The following EXOSC6 variants were observed in gnomAD, a reference collection of about 807,000 sequenced individuals.
EXOSC6 encodes the protein exosome component 6.
EXOSC6 carries 21 observed loss-of-function variants against 16.7 expected under a neutral mutation model. That is an observed-to-expected ratio of 1.26 (90% CI 0.89 to 1.82). EXOSC6 has a LOEUF of 1.82. EXOSC6 is among the 40% of genes most tolerant of loss of function. EXOSC6 has a pLI of 0.00. For synonymous variants in EXOSC6, 297 were observed against 217.1 expected, an observed-to-expected ratio of 1.37 and a Z score of -3.24; for missense variants, 538 against 415.7, an observed-to-expected ratio of 1.29 and a Z score of -2.56.
At position 70,251,778 on chromosome 16, in the gene EXOSC6, C is replaced by A. The variant is rs765097066; in HGVS notation, c.123G>T (p.Ala41=). Residue 41 remains alanine (A), a synonymous_variant, in exon 1 of 1, where the codon GCG becomes GCT. Transcript: ENST00000435634. The part of the protein sequence containing the change: ...RDPTRLRPVY[A]RAGLLSQAKG... ...TGGCCTGGCTCAGCAGCCCGGCGCG[C>A]GCGTACACGGGCCGTAGCCGCGTTG... The A allele has an allele frequency of 2.6e-5, 38 of 1,457,152 alleles. No homozygotes were observed. The South Asian group carries it at 4.9e-4, about 19-fold the overall frequency. The allele number at this position is 1,457,152 out of a possible 1,614,324, so 90.3% of individuals were successfully genotyped here.
chr16:70,249,568 C>T lies in EXOSC6; in HGVS notation c.*1514G>A, dbSNP rs1597429497. The T allele has an allele frequency of 6.6e-6, 1 of 152,156 alleles. No individual in the cohort carries two copies. The highest frequency in any genetic ancestry group is 1.5e-5 in the Non-Finnish European group (1 of 68,034). The allele number at this position is 152,156 out of a possible 1,614,324, so 9.4% of individuals were successfully genotyped here. On this transcript the variant is annotated 3_prime_UTR_variant, in exon 1 of 1. Transcript: ENST00000435634. ...AGACGTCGTGATATTTAGTTCTTGT[C>T]TCCCTCTACAAATGTGAAGCACTCT... is the stretch of plus-strand genomic sequence containing the variant.
In EXOSC6 at chr16:70,249,207, T is replaced by C. The variant is rs1310615378; in HGVS notation, c.*1875A>G. ...TGAGGTCAGGAGTTCAAGACCAGCA[T>C]GGCCAACACAATGAAAATCCATCTC... On this transcript the variant is annotated 3_prime_UTR_variant, in exon 1 of 1. Coordinates refer to ENST00000435634, the MANE Select transcript of EXOSC6 (RefSeq NM_058219.3). 2.6e-5 allele frequency: 4 copies of C among 151,908 alleles called. No homozygotes were observed. The highest frequency in any genetic ancestry group is 1.3e-4 in the Admixed American group (2 of 15,242). 9.4% of individuals were successfully genotyped at this position (151,908 alleles called of 1,614,324 possible). A position where few individuals can be genotyped will look rare whatever the true frequency, so the allele number is the denominator to read the frequency against.
Position 70,251,718 on chromosome 16 carries a change from C to T in EXOSC6, c.183G>A (p.Lys61=). The T allele has an allele frequency of 7.2e-7, 1 of 1,390,570 alleles. No individual in the cohort carries two copies. The highest frequency in any genetic ancestry group is 3.1e-5 in the East Asian group (1 of 32,630). The allele number at this position is 1,390,570 out of a possible 1,614,324, so 86.1% of individuals were successfully genotyped here. A position where few individuals can be genotyped will look rare whatever the true frequency, so the allele number is the denominator to read the frequency against. The change falls in exon 1 of 1, where the codon AAG becomes AAA. Residue 61 remains lysine, a synonymous_variant. Transcript: ENST00000435634. ...GCGGGCCCGACACGGCACACAGCAC[C>T]TTGGTGCCTCCCGCCTCCAGGTAGG... ...GSAYLEAGGT[K]VLCAVSGPRQ...
rs1959826911 is a variant in EXOSC6, at chr16:70,251,691, T to C, written c.210A>G (p.Arg70=). ...CGCCGCGCTCGCCGCCCTCGGCCTGTCGCGGGCCCGACACGGCACACAGCA... is the reference window on the plus strand; with the variant it reads ...CGCCGCGCTCGCCGCCCTCGGCCTGCCGCGGGCCCGACACGGCACACAGCA... The part of the protein sequence containing the change: ...TKVLCAVSGP[R]QAEGGERGGG... Residue 70 remains arginine (R), a synonymous_variant, in exon 1 of 1, where the codon CGA becomes CGG. Coordinates refer to ENST00000435634, the MANE Select transcript of EXOSC6 (RefSeq NM_058219.3). 1.6e-6 allele frequency: 2 copies of C among 1,289,926 alleles called. No individual in the cohort carries two copies. The highest frequency in any genetic ancestry group is 4.1e-5 in the Admixed American group (1 of 24,176). The allele number at this position is 1,289,926 out of a possible 1,614,324, so 79.9% of individuals were successfully genotyped here. A position where few individuals can be genotyped will look rare whatever the true frequency, so the allele number is the denominator to read the frequency against.
chr16:70,251,166 G>A lies in EXOSC6; in HGVS notation c.735C>T (p.Leu245=). The A allele has an allele frequency of 9.1e-6, 14 of 1,531,512 alleles. No individual in the cohort carries two copies. The highest frequency in any genetic ancestry group is 1.1e-5 in the Non-Finnish European group (13 of 1,148,988). 94.9% of individuals were successfully genotyped at this position (1,531,512 alleles called of 1,614,324 possible). The part of the protein sequence containing the change: ...ESWAEAVRLG[L]EGCQRLYPVL... ...CGGGGTAGAGGCGCTGGCAGCCCTC[G>A]AGGCCCAGGCGTACGGCCTCCGCCC... The change falls in exon 1 of 1, where the codon CTC becomes CTT. Residue 245 remains leucine (L), a synonymous_variant. Transcript: ENST00000435634.
In EXOSC6 at chr16:70,246,822, G is replaced by A. The variant is rs1959706227; in HGVS notation, c.*4260C>T. 8.8e-6 allele frequency: 5 copies of A among 569,822 alleles called. No individual in the cohort carries two copies. The highest frequency in any genetic ancestry group is 1.5e-5 in the Non-Finnish European group (5 of 323,684). The allele number at this position is 569,822 out of a possible 1,614,324, so 35.3% of individuals were successfully genotyped here. ...AGTTTATTTTCTTCAAATATTTTAA[G>A]GTACGAACGTCAGAAATAAAAATGC... On this transcript the variant is annotated 3_prime_UTR_variant, in exon 1 of 1. Transcript: ENST00000435634.
chr16:70,249,128 G>C lies in EXOSC6; in HGVS notation c.*1954C>G, dbSNP rs559236293. The C allele has an allele frequency of 6.6e-6, 1 of 151,850 alleles. No homozygotes were observed. Among genetic ancestry groups the C allele is most frequent in the Admixed American group, 6.6e-5 (1 of 15,224 alleles). 9.4% of individuals were successfully genotyped at this position (151,850 alleles called of 1,614,324 possible). A position where few individuals can be genotyped will look rare whatever the true frequency, so the allele number is the denominator to read the frequency against. On this transcript the variant is annotated 3_prime_UTR_variant, in exon 1 of 1. Coordinates refer to ENST00000435634, the MANE Select transcript of EXOSC6 (RefSeq NM_058219.3). ...TCAATGATCTTTTAGGCCAGGTGTG[G>C]TGGCTCATGATAGTAATCACAGTAC... is the stretch of plus-strand genomic sequence containing the variant.
In EXOSC6 at chr16:70,251,156, G is replaced by A; in HGVS notation, c.745C>T (p.Gln249Ter). 2 of 1,532,292 alleles carry A rather than the reference G, an allele frequency of 1.3e-6. No homozygotes were observed. Among genetic ancestry groups the A allele is most frequent in the South Asian group, 1.2e-5 (1 of 84,096 alleles). 94.9% of individuals were successfully genotyped at this position (1,532,292 alleles called of 1,614,324 possible). Residue 249 changes from glutamine to a stop codon, truncating the protein, a stop_gained, in exon 1 of 1, where the codon CAG becomes TAG. Transcript: ENST00000435634. LOFTEE classifies it high-confidence loss of function. Reference sequence around the variant, plus strand: ...TGCTGCAGCACGGGGTAGAGGCGCTGGCAGCCCTCGAGGCCCAGGCGTACG... The same window carrying A: ...TGCTGCAGCACGGGGTAGAGGCGCTAGCAGCCCTCGAGGCCCAGGCGTACG... The part of the protein sequence containing the change: ...EAVRLGLEGC[Q>*]RLYPVLQQSL...
rs556106293 is a variant in EXOSC6 at position 70,247,664 on chromosome 16, A to G, written c.*3418T>C. The G allele has an allele frequency of 2.6e-5, 4 of 152,332 alleles. No individual in the cohort carries two copies. The South Asian group carries it at 6.2e-4, about 24-fold the overall frequency. 9.4% of individuals were successfully genotyped at this position (152,332 alleles called of 1,614,324 possible). A position where few individuals can be genotyped will look rare whatever the true frequency, so the allele number is the denominator to read the frequency against. ...TAATAATTGTCATTCCATTGAAAGA[A>G]TATTTATTTTGCAGCTGTTAAAAGA... On this transcript the variant is annotated 3_prime_UTR_variant, in exon 1 of 1. Transcript: ENST00000435634.
chr16:70,251,659 G>A lies in EXOSC6; in HGVS notation c.242C>T (p.Pro81Leu), dbSNP rs866196318. Residue 81 changes from proline to leucine, a missense_variant, in exon 1 of 1, where the codon CCG becomes CTG. By Grantham distance (98) the Pro-to-Leu change is moderately conservative. Coordinates refer to ENST00000435634, the MANE Select transcript of EXOSC6 (RefSeq NM_058219.3). ...QAEGGERGGG[P>L]AGAGGEAPAA... is the part of the protein sequence containing the mutation. ...CGGGGCCTCGCCGCCTGCTCCGGCCGGGCCGCCGCCGCGCTCGCCGCCCTC... is the reference window on the plus strand; with the variant it reads ...CGGGGCCTCGCCGCCTGCTCCGGCCAGGCCGCCGCCGCGCTCGCCGCCCTC... 8.9e-5 allele frequency: 108 copies of A among 1,207,300 alleles called. No individual in the cohort carries two copies. In the African/African-American group the frequency reaches 1.5e-3, roughly 16 times the overall value. 74.8% of individuals were successfully genotyped at this position (1,207,300 alleles called of 1,614,324 possible).
Position 70,248,771 on chromosome 16 carries a change from CTTTTTTTTTTTTTT to C in EXOSC6, c.*2297_*2310del, listed in dbSNP as rs35401075. 9 of 98,134 alleles carry C rather than the reference CTTTTTTTTTTTTTT, an allele frequency of 9.2e-5. No individual in the cohort carries two copies. Among genetic ancestry groups the C allele is most frequent in the Non-Finnish European group, 1.5e-4 (7 of 47,484 alleles). 6.1% of individuals were successfully genotyped at this position (98,134 alleles called of 1,614,324 possible). A position where few individuals can be genotyped will look rare whatever the true frequency, so the allele number is the denominator to read the frequency against. On this transcript the variant is annotated 3_prime_UTR_variant, in exon 1 of 1. Transcript: ENST00000435634. ...CACCATGCCTGACTTATTTTTTTTC[CTTTTTTTTTTTTTT>C]TTTTTTTTTTGATAGAAACAGGGTT...
rs894705468 is a variant in EXOSC6 at position 70,249,848 on chromosome 16, G to A, written c.*1234C>T. 6.6e-6 allele frequency: 1 copy of A among 152,138 alleles called. No individual in the cohort carries two copies. Among genetic ancestry groups the A allele is most frequent in the Non-Finnish European group, 1.5e-5 (1 of 68,082 alleles). 9.4% of individuals were successfully genotyped at this position (152,138 alleles called of 1,614,324 possible). On this transcript the variant is annotated 3_prime_UTR_variant, in exon 1 of 1. Coordinates refer to ENST00000435634, the MANE Select transcript of EXOSC6 (RefSeq NM_058219.3). The stretch of plus-strand genomic sequence containing the variant: ...TGCCTGTAGTCCCAGCTATTCCAGA[G>A]GCTGAGGCAGGAGAATCACTTGAAC...
rs1959745535 is a variant in EXOSC6 at position 70,248,912 on chromosome 16, A to G, written c.*2170T>C. ...GTTACAGGAGTGAGCCACCATGCCC[A>G]GTTAAAAATACACTTTTTATTTAAA... On this transcript the variant is annotated 3_prime_UTR_variant, in exon 1 of 1. Transcript: ENST00000435634. The G allele has an allele frequency of 6.7e-6, 1 of 149,120 alleles. No homozygotes were observed. Among genetic ancestry groups the G allele is most frequent in the Admixed American group, 6.7e-5 (1 of 14,870 alleles). 9.2% of individuals were successfully genotyped at this position (149,120 alleles called of 1,614,324 possible). A position where few individuals can be genotyped will look rare whatever the true frequency, so the allele number is the denominator to read the frequency against.
At position 70,251,874 on chromosome 16, in the gene EXOSC6, G is replaced by T. The variant is rs1338228640; in HGVS notation, c.27C>A (p.Arg9=). Residue 9 remains arginine, a synonymous_variant, in exon 1 of 1, where the codon CGC becomes CGA. Transcript: ENST00000435634. ...GCGGCGGCTGCGATTCTTCAGGGCCGCGGATGCGGCGGTGATCCCCAGGCA... is the reference window on the plus strand; with the variant it reads ...GCGGCGGCTGCGATTCTTCAGGGCCTCGGATGCGGCGGTGATCCCCAGGCA... MPGDHRRI[R]GPEESQPPQL... is the part of the protein sequence containing the mutation. 2 of 1,546,906 alleles carry T rather than the reference G, an allele frequency of 1.3e-6. No individual in the cohort carries two copies. Among genetic ancestry groups the T allele is most frequent in the East Asian group, 2.6e-5 (1 of 38,482 alleles).
At position 70,251,921 on chromosome 16, in the gene EXOSC6, C is replaced by A; in HGVS notation, c.-21G>T. On this transcript the variant is annotated 5_prime_UTR_variant, in exon 1 of 1. Transcript: ENST00000435634. ...GGCATGGCGGTTCTTGGCGTGCGAA[C>A]CCCTTCCGCCCAACGCCCTGCCGCA... is the stretch of plus-strand genomic sequence containing the variant. The A allele has an allele frequency of 4.1e-6, 6 of 1,481,046 alleles. No individual in the cohort carries two copies. Among genetic ancestry groups the A allele is most frequent in the Non-Finnish European group, 5.3e-6 (6 of 1,126,580 alleles). The allele number at this position is 1,481,046 out of a possible 1,614,324, so 91.7% of individuals were successfully genotyped here.
rs1175696303 is a variant in EXOSC6, at chr16:70,251,069, T to C, written c.*13A>G. The C allele has an allele frequency of 1.4e-6, 2 of 1,450,434 alleles. No individual in the cohort carries two copies. Among genetic ancestry groups the C allele is most frequent in the Non-Finnish European group, 1.8e-6 (2 of 1,113,966 alleles). The allele number at this position is 1,450,434 out of a possible 1,614,324, so 89.8% of individuals were successfully genotyped here. A position where few individuals can be genotyped will look rare whatever the true frequency, so the allele number is the denominator to read the frequency against. On this transcript the variant is annotated 3_prime_UTR_variant, in exon 1 of 1. Coordinates refer to ENST00000435634, the MANE Select transcript of EXOSC6 (RefSeq NM_058219.3). The stretch of plus-strand genomic sequence containing the variant: ...GTCCTCGGCTTGCGTCCGTAGTTGC[T>C]CAGGCTTCTGGTTCAGGGCTGGGCG...
In EXOSC6 at chr16:70,251,311, A is replaced by G; in HGVS notation, c.590T>C (p.Leu197Pro). 7.1e-7 allele frequency: 1 copy of G among 1,401,438 alleles called. No homozygotes were observed. Among genetic ancestry groups the G allele is most frequent in the Non-Finnish European group, 9.2e-7 (1 of 1,083,354 alleles). 86.8% of individuals were successfully genotyped at this position (1,401,438 alleles called of 1,614,324 possible). A position where few individuals can be genotyped will look rare whatever the true frequency, so the allele number is the denominator to read the frequency against. The change falls in exon 1 of 1, where the codon CTG becomes CCG. Residue 197 changes from leucine to proline, a missense_variant. Physicochemically the swap from Leu to Pro is moderately conservative, Grantham distance 98. Coordinates refer to ENST00000435634, the MANE Select transcript of EXOSC6 (RefSeq NM_058219.3). ...CTCTTCCTCGAGCCGCGTGGGGTCC[A>G]GGAGCCAGGTGGGCGCGGGCCCCGG... ...LAPGPAPTWLLDPTRLEEERA... is the reference protein window; with the variant it reads ...LAPGPAPTWLPDPTRLEEERA...
In EXOSC6 at chr16:70,251,761, C is replaced by T; in HGVS notation, c.140G>A (p.Ser47Asn). Residue 47 changes from serine to asparagine, a missense_variant, in exon 1 of 1, where the codon AGC (serine) becomes AAC (asparagine). Ser to Asn is a conservative substitution (Grantham distance 46). Coordinates refer to ENST00000435634, the MANE Select transcript of EXOSC6 (RefSeq NM_058219.3). Reference sequence around the variant, plus strand: ...CAGGTAGGCCGAGCCCTTGGCCTGGCTCAGCAGCCCGGCGCGCGCGTACAC... The same window carrying T: ...CAGGTAGGCCGAGCCCTTGGCCTGGTTCAGCAGCCCGGCGCGCGCGTACAC... ...RPVYARAGLL[S>N]QAKGSAYLEA... is the part of the protein sequence containing the mutation. The T allele has an allele frequency of 7.0e-7, 1 of 1,434,020 alleles. No individual in the cohort carries two copies. Among genetic ancestry groups the T allele is most frequent in the African/African-American group, 1.5e-5 (1 of 66,774 alleles). The allele number at this position is 1,434,020 out of a possible 1,614,324, so 88.8% of individuals were successfully genotyped here. A position where few individuals can be genotyped will look rare whatever the true frequency, so the allele number is the denominator to read the frequency against.
Position 70,251,796 on chromosome 16 carries a change from C to T in EXOSC6, c.105G>A (p.Arg35=). ...EEAPGTRDPT[R]LRPVYARAGL... ...CGGCGCGCGCGTACACGGGCCGTAG[C>T]CGCGTTGGGTCGCGGGTGCCGGGCG... The change falls in exon 1 of 1, where the codon CGG becomes CGA. Residue 35 remains arginine (R), a synonymous_variant. Coordinates refer to ENST00000435634, the MANE Select transcript of EXOSC6 (RefSeq NM_058219.3). The T allele has an allele frequency of 6.7e-7, 1 of 1,502,312 alleles. No individual in the cohort carries two copies. The highest frequency in any genetic ancestry group is 8.8e-7 in the Non-Finnish European group (1 of 1,135,728). 93.1% of individuals were successfully genotyped at this position (1,502,312 alleles called of 1,614,324 possible). A position where few individuals can be genotyped will look rare whatever the true frequency, so the allele number is the denominator to read the frequency against.
Sources: allele counts gnomAD v4.1 joint callset, GRCh38; gene constraint gnomAD v4.1.1; transcripts MANE v1.5; gene names NCBI Gene and HGNC (gene_info 2026-07-23, HGNC 2026-07-21).